Variants in DNM3 observed in about 807,000 individuals in gnomAD.
DNM3 encodes the protein dynamin 3.
In DNM3, 47 loss-of-function variants were observed where a neutral mutation model predicts 101.6. The observed-to-expected ratio is 0.46, with a 90% confidence interval of 0.37 to 0.59. DNM3 has a LOEUF of 0.59. Among genes scored for constraint, DNM3 ranks in the 20% least tolerant of loss-of-function variants. The probability of loss-of-function intolerance (pLI) is 0.00; values close to 1 mark genes in which losing one functional copy is unlikely to be tolerated. For synonymous variants in DNM3, 385 were observed against 387.9 expected, an observed-to-expected ratio of 0.99 and a Z score of 0.09; for missense variants, 849 against 1,085.7, an observed-to-expected ratio of 0.78 and a Z score of 3.06.
In DNM3 at chr1:172,288,858, C is replaced by T. The variant is rs16844215; in HGVS notation, c.1770-19870C>T. 7.3e-3 allele frequency among the ~76,000 whole-genome samples: 1,107 copies of T among 152,188 alleles called. 9 individuals carry two copies. Among genetic ancestry groups the T allele is most frequent in the African/African-American group, 0.025 (1,028 of 41,546 alleles). On this transcript the variant is annotated intron_variant, in intron 15 of 20. Coordinates refer to ENST00000627582, the MANE Select transcript of DNM3 (RefSeq NM_015569.5). ...CTCAGAGATGTCTGGCATTTATTAG[C>T]GGTCAGTTTATATATAGTACTAAAT... is the stretch of plus-strand genomic sequence containing the variant.
intron 13 of DNM3, among the ~76,000 whole-genome samples, chr1:172,112,121 A>T (rs551034055): frequency 1.3e-5 from 2 of 152,376 alleles, no homozygotes; most frequent in South Asian, 2.1e-4. Flanking sequence ...CTTGCAGAGC[A>T]TATACTCTTA....
chr1:172,157,020 A>G (rs183396089), intron 14 of DNM3, among the ~76,000 whole-genome samples: 21 of 152,186 alleles, frequency 1.4e-4, no homozygotes, highest in Non-Finnish European at 2.8e-4. Context: ...TCCACAGATC[A>G]GGATGAGGTG....
chr1:171,852,294 G>C (rs549291133), intron 1 of DNM3, among the ~76,000 whole-genome samples: 1 of 152,252 alleles, frequency 6.6e-6, no homozygotes. Flanking sequence ...TTTGAGTTTT[G>C]AGGACAGAGA....
chr1:172,063,449 A>T (rs951604962), intron 10 of DNM3, among the ~76,000 whole-genome samples: 2 of 152,120 alleles, frequency 1.3e-5, no homozygotes, highest in Admixed American at 1.3e-4. Flanking sequence ...ATAATTAATC[A>T]GTACCCTAAA....
rs78247676 is a variant in DNM3, at chr1:172,374,655, G to A, written c.1894-4363G>A. ...AAAGAAAAGGTAAATAAGATCAACT[G>A]CATACCTATGCTATTATTTTGCTAT... On this transcript the variant is annotated intron_variant, in intron 17 of 20. Transcript: ENST00000627582. Among the ~76,000 whole-genome samples, 1,092 of 152,120 alleles carry A rather than the reference G, an allele frequency of 7.2e-3. 8 individuals carry two copies. The highest frequency in any genetic ancestry group is 0.013 in the Non-Finnish European group (854 of 67,968).
At chr1:172,387,385 C>A (rs375953955) in intron 19 of DNM3, 26 bp downstream of exon 19, 1 of 1,578,334 alleles carries the variant, frequency 6.3e-7, no homozygotes, top group East Asian at 2.3e-5. Context: ...CGGCCGGGTG[C>A]GGTGGCTCGC....
intron 1 of DNM3, among the ~76,000 whole-genome samples, chr1:171,851,306 C>T (rs2032929265): frequency 6.6e-6 from 1 of 152,208 alleles, no homozygotes; most frequent in Non-Finnish European, 1.5e-5. Flanking sequence ...CAGGAGCTAA[C>T]TGAATGAATC....
chr1:172,052,203 T>A (rs2050252633), intron 10 of DNM3, among the ~76,000 whole-genome samples: 1 of 152,170 alleles, frequency 6.6e-6, no homozygotes, highest in Non-Finnish European at 1.5e-5. Context: ...CAAACTTACC[T>A]GTATTCACAG....
At chr1:172,145,560 C>G (rs2148193618) in intron 14 of DNM3, among the ~76,000 whole-genome samples, 1 of 152,244 alleles carries the variant, frequency 6.6e-6, no homozygotes, top group East Asian at 1.9e-4. Flanking sequence ...GTCATGGCCT[C>G]TACATGAGTA....
chr1:171,922,123 T>TTGTGTGTGTGTGTGTG (rs3051604), intron 2 of DNM3, among the ~76,000 whole-genome samples: 68 of 135,810 alleles, frequency 5.0e-4, no homozygotes, highest in African/African-American at 1.8e-3. Flanking sequence ...TTGGTATGCT[T>TTGTGTGTGTGTGTGTG]TGTGTGTGTG....
rs752990905 is a variant in DNM3 at position 171,847,896 on chromosome 1, C to CTGTG, written c.161+6112_161+6115dup. ...TATTAATTACTCTCTCTCTCTCTCT[C>CTGTG]TGTGTGTGTGTGTGTGTGTGTGTGT... On this transcript the variant is annotated intron_variant, in intron 1 of 20. Transcript: ENST00000627582. 9.7e-3 allele frequency among the ~76,000 whole-genome samples: 1,366 copies of CTGTG among 141,198 alleles called. 23 individuals carry two copies. Among genetic ancestry groups the CTGTG allele is most frequent in the African/African-American group, 0.027 (1,015 of 37,254 alleles). The allele number at this position is 141,198 out of a possible 152,430, so 92.6% of individuals were successfully genotyped here. A position where few individuals can be genotyped will look rare whatever the true frequency, so the allele number is the denominator to read the frequency against.
chr1:171,899,765 A>G (rs1213716074), intron 1 of DNM3, among the ~76,000 whole-genome samples: 2 of 152,220 alleles, frequency 1.3e-5, no homozygotes, highest in Non-Finnish European at 2.9e-5. Context: ...TTACGGGTTG[A>G]CAGTCTGGTT....
intron 16 of DNM3, among the ~76,000 whole-genome samples, chr1:172,319,802 A>G (rs1196875831): frequency 7.2e-5 from 11 of 152,220 alleles, no homozygotes; most frequent in Non-Finnish European, 1.2e-4. Flanking sequence ...AACTAGTTCA[A>G]CCATTGTGGA....
At position 172,033,184 on chromosome 1, in the gene DNM3, G is replaced by A. The variant is rs551266524; in HGVS notation, c.768G>A (p.Arg256=). 1.9e-6 allele frequency: 3 copies of A among 1,610,702 alleles called. No individual in the cohort carries two copies. The East Asian group carries it at 6.7e-5, about 36-fold the overall frequency. ...KDIKAAMLAE[R]KFFLSHPAYR... ...TAAAGGCAGCCATGCTGGCAGAGAG[G>A]AAGTTTTTCCTTTCCCACCCGGCTT... The change falls in exon 6 of 21, where the codon AGG becomes AGA. Residue 256 remains arginine, a synonymous_variant. Transcript: ENST00000627582.
At chr1:172,018,003 G>A (rs1431930025) in intron 4 of DNM3, among the ~76,000 whole-genome samples, 1 of 152,040 alleles carries the variant, frequency 6.6e-6, no homozygotes, top group Non-Finnish European at 1.5e-5. Context: ...TCTGTCGGAT[G>A]TTAATATAGC....
chr1:171,871,112 A>C (rs1249594037), intron 1 of DNM3, among the ~76,000 whole-genome samples: 2 of 152,210 alleles, frequency 1.3e-5, no homozygotes, highest in Non-Finnish European at 2.9e-5. Context: ...ACATCGTCAG[A>C]AATATTGGGC....
rs183115183 is a variant in DNM3, at chr1:172,282,147, G to A, written c.1770-26581G>A. Among the ~76,000 whole-genome samples, 33 of 152,278 alleles carry A rather than the reference G, an allele frequency of 2.2e-4. No homozygotes were observed. In the East Asian group the frequency reaches 3.5e-3, roughly 16 times the overall value. On this transcript the variant is annotated intron_variant, in intron 15 of 20. Transcript: ENST00000627582. ...GTGTTTCCACCAAACTCAGGGCAGA[G>A]CTATGGAGGAGCTGAAGTTTGTGTT...
intron 4 of DNM3, among the ~76,000 whole-genome samples, chr1:171,998,158 CTCTG>C (rs1345089844): frequency 3.9e-5 from 6 of 152,098 alleles, no homozygotes; most frequent in African/African-American, 1.4e-4. Context: ...TATCATCTAT[CTCTG>C]TCTGTTATAA....
At chr1:172,149,113 G>A (rs1404634356) in intron 14 of DNM3, among the ~76,000 whole-genome samples, 1 of 152,148 alleles carries the variant, frequency 6.6e-6, no homozygotes, top group Non-Finnish European at 1.5e-5. Context: ...AAGATTGTGA[G>A]AGAATTGATT....
Sources: gnomAD v4.1 joint callset for allele counts (sites outside exome capture counted in the v4.1 genomes callset) on GRCh38, gnomAD v4.1.1 for gene constraint, MANE v1.5 for transcripts, NCBI Gene and HGNC (gene_info 2026-07-23, HGNC 2026-07-21) for gene names.